Variants in ZNF654 observed in about 807,000 individuals in gnomAD.
The protein encoded by ZNF654 is melanoma-associated antigen.
ZNF654 carries 19 observed loss-of-function variants against 95.3 expected under a neutral mutation model. The ratio of observed to expected loss-of-function variants is 0.20; its 90% CI spans 0.14 to 0.29. The LOEUF (loss-of-function observed/expected upper bound fraction) is 0.29, where lower values mean the gene tolerates loss of function less well. Ranked by LOEUF, ZNF654 falls within the 10% of genes least tolerant of loss-of-function variation. The pLI is 1.00. For synonymous variants in ZNF654, 413 were observed against 457.9 expected (o/e 0.90, Z 1.25); for missense variants, 1,046 against 1,341.0 (o/e 0.78, Z 3.44).
intron 1 of ZNF654, among the ~76,000 whole-genome samples, chr3:88,062,640 A>G (rs1381595556): frequency 6.6e-6 from 1 of 152,208 alleles, no homozygotes; most frequent in Non-Finnish European, 1.5e-5. Context: ...GGAAGTTAAG[A>G]TACTTTCTTC....
chr3:88,109,893 T>C (rs1199996202), intron 2 of ZNF654, among the ~76,000 whole-genome samples: 1 of 152,162 alleles, frequency 6.6e-6, no homozygotes, highest in Non-Finnish European at 1.5e-5. Flanking sequence ...GATACAATAA[T>C]ACATTTTTGG....
chr3:88,112,059 G>A (rs1352301315), intron 2 of ZNF654, among the ~76,000 whole-genome samples: 1 of 151,772 alleles, frequency 6.6e-6, no homozygotes, highest in African/African-American at 2.4e-5. Context: ...ATTTTTCAGT[G>A]TATCAGTTTG....
Position 88,141,840 on chromosome 3 carries a change from G to A in ZNF654, c.*188G>A. 2.3e-6 allele frequency: 1 copy of A among 429,354 alleles called. No homozygotes were observed. The highest frequency in any genetic ancestry group is 9.8e-5 in the South Asian group (1 of 10,154). 26.6% of individuals were successfully genotyped at this position (429,354 alleles called of 1,614,324 possible). ...AGATGTGCTGGCTTAGACTCCAAAA[G>A]GATTATAAAACTCCCAAAGTACCAG... On this transcript the variant is annotated 3_prime_UTR_variant, in exon 9 of 9. Transcript: ENST00000636215.
chr3:88,131,162 T>A (rs905183709), intron 6 of ZNF654, among the ~76,000 whole-genome samples: 4 of 152,178 alleles, frequency 2.6e-5, no homozygotes, highest in African/African-American at 9.7e-5. Context: ...GTTACTGTAC[T>A]GAATGCTGTA....
chr3:88,065,044 A>G (rs1707115743), intron 1 of ZNF654, among the ~76,000 whole-genome samples: 1 of 152,258 alleles, frequency 6.6e-6, no homozygotes, highest in South Asian at 2.1e-4. Context: ...TTGCATCGAT[A>G]ATTGCATTGA....
chr3:88,135,008 C>A, intron 6 of ZNF654, 53 bp from the exon 7 acceptor site: 1 of 1,223,486 alleles, frequency 8.2e-7, no homozygotes, highest in South Asian at 2.2e-5. Flanking sequence ...TAGCTAATGT[C>A]TGTATTTGAA....
At chr3:88,106,442 G>A (rs4568164) in intron 2 of ZNF654, among the ~76,000 whole-genome samples, 119,047 of 151,838 alleles carry the variant, frequency 0.78, 47,556 homozygotes, top group South Asian at 0.91. Context: ...GGTTCAAGCA[G>A]TTCTCCTGCC....
intron 1 of ZNF654, among the ~76,000 whole-genome samples, chr3:88,084,273 A>G (rs918785936): frequency 1.3e-5 from 2 of 152,198 alleles, no homozygotes; most frequent in African/African-American, 4.8e-5. Context: ...CCAACCCATA[A>G]ATAGGGAGCA....
chr3:88,089,328 A>G (rs1176788000), intron 2 of ZNF654, among the ~76,000 whole-genome samples: 1 of 151,620 alleles, frequency 6.6e-6, no homozygotes, highest in East Asian at 2.0e-4. Context: ...TGTCTCTACT[A>G]AAAATACAAA....
At chr3:88,088,532 A>AT (rs775421466) in intron 2 of ZNF654, among the ~76,000 whole-genome samples, 14 of 152,172 alleles carry the variant, frequency 9.2e-5, no homozygotes, top group South Asian at 4.1e-4. Flanking sequence ...GATGGTTAAA[A>AT]TTTAAAGTTC....
At chr3:88,104,848 A>AT (rs1329254381) in intron 2 of ZNF654, among the ~76,000 whole-genome samples, 2 of 152,216 alleles carry the variant, frequency 1.3e-5, no homozygotes, top group African/African-American at 2.4e-5. Context: ...TAAAAATTAC[A>AT]TAAAATTCAT....
intron 2 of ZNF654, 76 bp downstream of exon 2, chr3:88,086,478 TGAA>T: frequency 8.0e-7 from 1 of 1,254,720 alleles, no homozygotes; most frequent in South Asian, 2.2e-5. Context: ...TAATTTCTTC[TGAA>T]GAAGAAACCT....
At position 88,102,817 on chromosome 3, in the gene ZNF654, C is replaced by CT. The variant is rs10701359; in HGVS notation, c.333-10277dup. ...TGCTGTTTACCTCAACCTCTACTGT[C>CT]TTTTTTTTTTTTTTTTTTTTTAATA... On this transcript the variant is annotated intron_variant, in intron 2 of 8. Coordinates refer to ENST00000636215, the MANE Select transcript of ZNF654 (RefSeq NM_001350134.2). Among the ~76,000 whole-genome samples, 127 of 106,526 alleles carry CT rather than the reference C, an allele frequency of 1.2e-3. 1 individual carries two copies. Among genetic ancestry groups the CT allele is most frequent in the East Asian group, 4.2e-3 (14 of 3,314 alleles). The allele number at this position is 106,526 out of a possible 152,430, so 69.9% of individuals were successfully genotyped here.
intron 3 of ZNF654, among the ~76,000 whole-genome samples, chr3:88,123,027 GT>G (rs1705871556): frequency 9.1e-5 from 13 of 143,440 alleles, no homozygotes; most frequent in South Asian, 4.4e-4. Context: ...AAAAAAAAAA[GT>G]AAAAAGAAAA....
At chr3:88,137,150 A>G (rs9836364) in intron 7 of ZNF654, among the ~76,000 whole-genome samples, 114,893 of 145,962 alleles carry the variant, frequency 0.79, 45,924 homozygotes, top group South Asian at 0.91. Flanking sequence ...AGCTGAGATC[A>G]TGCCATTCTA....
intron 3 of ZNF654, among the ~76,000 whole-genome samples, chr3:88,113,481 ATTC>A (rs1705212407): frequency 6.6e-6 from 1 of 152,168 alleles, no homozygotes; most frequent in African/African-American, 2.4e-5. Flanking sequence ...GTGAAAAACG[ATTC>A]TTCTTTGCCA....
At chr3:88,135,369 A>C in intron 7 of ZNF654, 167 bp downstream of exon 7, 4 of 428,564 alleles carry the variant, frequency 9.3e-6, no homozygotes, top group South Asian at 1.1e-4. Flanking sequence ...CCAAACTCTC[A>C]ACATGGGAGG....
chr3:88,101,020 A>G (rs535661387), intron 2 of ZNF654, among the ~76,000 whole-genome samples: 15 of 152,272 alleles, frequency 9.9e-5, no homozygotes, highest in Non-Finnish European at 1.0e-4. Flanking sequence ...AGTAGAAGCA[A>G]CTATCACCTA....
At chr3:88,063,965 C>T (rs1707044844) in intron 1 of ZNF654, among the ~76,000 whole-genome samples, 2 of 152,210 alleles carry the variant, frequency 1.3e-5, no homozygotes, top group South Asian at 4.2e-4. Flanking sequence ...ACTTAATGAC[C>T]CACTTTCATC....
Sources: allele counts gnomAD v4.1 joint callset (sites outside exome capture counted in the v4.1 genomes callset), GRCh38; gene constraint gnomAD v4.1.1; transcripts MANE v1.5; gene names NCBI Gene and HGNC (gene_info 2026-07-23, HGNC 2026-07-21).